Variants in FAXDC2 observed in about 807,000 individuals in gnomAD.
The protein encoded by FAXDC2 is fatty acid hydroxylase domain containing 2, also known as fatty acid hydroxylase domain-containing protein 2.
FAXDC2 carries 41 observed loss-of-function variants against 40.9 expected under a neutral mutation model. The ratio of observed to expected loss-of-function variants is 1.00; its 90% CI spans 0.78 to 1.30. FAXDC2 has a LOEUF of 1.30. Among genes scored for constraint, FAXDC2 ranks in the 50% most tolerant of loss-of-function variants. The pLI, the probability that FAXDC2 is intolerant of heterozygous loss-of-function variation, is 0.00. For missense variants in FAXDC2, 390 were observed against 408.8 expected (o/e 0.95, Z 0.40); for synonymous variants, 157 against 149.3 (o/e 1.05, Z -0.38).
chr5:154,828,951 G>C (rs1304207993), intron 5 of FAXDC2, among the ~76,000 whole-genome samples: 1 of 137,898 alleles, frequency 7.3e-6, no homozygotes, highest in Non-Finnish European at 1.5e-5. Flanking sequence ...GCAGAGTCTT[G>C]CTCTGTCGCC....
At position 154,824,599 on chromosome 5, in the gene FAXDC2, T is replaced by C. The variant is rs991909642; in HGVS notation, c.367-1007A>G. On this transcript the variant is annotated intron_variant, in intron 5 of 8. Coordinates refer to ENST00000326080, the MANE Select transcript of FAXDC2 (RefSeq NM_032385.5). ...TGTTAGGTGAGGCCATTACACCTTCTGGAAACCTTGACCAAGAGGCGGGGT... is the reference window on the plus strand; with the variant it reads ...TGTTAGGTGAGGCCATTACACCTTCCGGAAACCTTGACCAAGAGGCGGGGT... 2.8e-5 allele frequency: 20 copies of C among 702,002 alleles called. No homozygotes were observed. In the African/African-American group the frequency reaches 3.1e-4, roughly 11 times the overall value. The allele number at this position is 702,002 out of a possible 1,614,324, so 43.5% of individuals were successfully genotyped here. A position where few individuals can be genotyped will look rare whatever the true frequency, so the allele number is the denominator to read the frequency against.
At position 154,822,573 on chromosome 5, in the gene FAXDC2, G is replaced by T. The variant is rs748640418; in HGVS notation, c.577C>A (p.Leu193Ile). The stretch of plus-strand genomic sequence containing the variant: ...TTCTTGTAGAATGTTGGGTGGTGAA[G>T]GAGCCTGGGGAAATAGTTAATAGTT... ...EVLFYYSHRL[L>I]HHPTFYKKIH... The change falls in exon 7 of 9, where the codon CTT (leucine) becomes ATT (isoleucine). Residue 193 changes from leucine (L) to isoleucine (I), a missense_variant. Leu to Ile is a conservative substitution (Grantham distance 5). Coordinates refer to ENST00000326080, the MANE Select transcript of FAXDC2 (RefSeq NM_032385.5). The T allele has an allele frequency of 1.2e-6, 2 of 1,612,314 alleles. No homozygotes were observed. The highest frequency in any genetic ancestry group is 2.7e-5 in the African/African-American group (2 of 74,870).
intron 2 of FAXDC2, among the ~76,000 whole-genome samples, chr5:154,835,666 C>T (rs577614591): frequency 2.0e-5 from 3 of 152,034 alleles, no homozygotes; most frequent in South Asian, 2.1e-4. Context: ...CTGCCAGCTC[C>T]GCCTCCCGGG....
At chr5:154,842,017 C>T (rs999011353) in intron 1 of FAXDC2, among the ~76,000 whole-genome samples, 1 of 152,046 alleles carries the variant, frequency 6.6e-6, no homozygotes, top group Non-Finnish European at 1.5e-5. Context: ...GGATTACAGG[C>T]ATGAGCCACC....
intron 1 of FAXDC2, among the ~76,000 whole-genome samples, chr5:154,840,102 G>A (rs1040106523): frequency 1.3e-5 from 2 of 152,162 alleles, no homozygotes; most frequent in Admixed American, 6.5e-5. Flanking sequence ...TTAGGACCCA[G>A]GTTCCAGACT....
chr5:154,824,262 A>G (rs1321776512), intron 5 of FAXDC2: 7 of 561,312 alleles, frequency 1.2e-5, no homozygotes, highest in African/African-American at 1.9e-5. Flanking sequence ...TATTTCCCCC[A>G]GAATCAGCAA....
Position 154,834,919 on chromosome 5 carries a change from C to G in FAXDC2, c.64G>C (p.Gly22Arg), listed in dbSNP as rs756967237. The G allele has an allele frequency of 2.6e-5, 41 of 1,600,706 alleles. No individual in the cohort carries two copies. The highest frequency in any genetic ancestry group is 3.5e-5 in the Non-Finnish European group (41 of 1,172,804). ...EKSKQEGHIW[G>R]SMRRTAFILG... ...ATGAAAGCTGTCCTCCTCATAGAGC[C>G]CCAGATGTGTCCCTCCTGGAGGAGG... is the stretch of plus-strand genomic sequence containing the variant. Residue 22 changes from glycine (G) to arginine (R), a missense_variant, in exon 3 of 9, where the codon GGC becomes CGC. By Grantham distance (125) the Gly-to-Arg change is moderately radical. Transcript: ENST00000326080.
chr5:154,842,232 C>CT (rs2113165273), intron 1 of FAXDC2, among the ~76,000 whole-genome samples: 1 of 152,210 alleles, frequency 6.6e-6, no homozygotes, highest in African/African-American at 2.4e-5. Flanking sequence ...GAGTCTCACT[C>CT]TGTCACCTAG....
intron 5 of FAXDC2, chr5:154,824,620 G>A (rs1759976376): frequency 1.0e-5 from 7 of 701,436 alleles, no homozygotes; most frequent in Admixed American, 2.0e-5. Context: ...ACCAAGAGGC[G>A]GGGTATCACA....
intron 4 of FAXDC2, among the ~76,000 whole-genome samples, chr5:154,832,326 G>A (rs992847702): frequency 2.0e-5 from 3 of 151,230 alleles, no homozygotes; most frequent in African/African-American, 7.3e-5. Context: ...CCATTCTCCT[G>A]CCTCAGCCTC....
In FAXDC2 at chr5:154,830,789, A is replaced by T. The variant is rs1043920222; in HGVS notation, c.366+12T>A. ...TTTCTGTGCTTTGACCAGAAGTTGC[A>T]ACAACACTTACAGGTTCATTCTTGC... On this transcript the variant is annotated intron_variant, in intron 5 of 8. Coordinates refer to ENST00000326080, the MANE Select transcript of FAXDC2 (RefSeq NM_032385.5). 1.9e-6 allele frequency: 3 copies of T among 1,613,808 alleles called. No individual in the cohort carries two copies. The highest frequency in any genetic ancestry group is 2.5e-6 in the Non-Finnish European group (3 of 1,179,804).
At chr5:154,833,193 C>T (rs916461546) in intron 4 of FAXDC2, among the ~76,000 whole-genome samples, 8 of 151,872 alleles carry the variant, frequency 5.3e-5, no homozygotes, top group Admixed American at 1.3e-4. Flanking sequence ...CGCACCACCA[C>T]GCCTGGCTCA....
At chr5:154,838,088 G>A in intron 2 of FAXDC2, 43 bp downstream of exon 2, 1 of 1,336,210 alleles carries the variant, frequency 7.5e-7, no homozygotes, top group Non-Finnish European at 1.1e-6. Context: ...AAGAGCCACT[G>A]ACTACATTCT....
intron 1 of FAXDC2, among the ~76,000 whole-genome samples, chr5:154,840,098 C>T (rs1760443425): frequency 6.6e-6 from 1 of 152,180 alleles, no homozygotes; most frequent in African/African-American, 2.4e-5. Context: ...AGGCTTAGGA[C>T]CCAGGTTCCA....
Position 154,846,992 on chromosome 5 carries a change from C to A in FAXDC2, c.-1+3491G>T, listed in dbSNP as rs74621806. ...TATTTTTATTTTTTAGAGATAGCAT[C>A]TTGCTCTGTTGCCGAGACTGAAGTA... On this transcript the variant is annotated intron_variant, in intron 1 of 8. Transcript: ENST00000326080. 2.8e-3 allele frequency among the ~76,000 whole-genome samples: 430 copies of A among 151,800 alleles called. 2 individuals carry two copies. Among genetic ancestry groups the A allele is most frequent in the African/African-American group, 9.7e-3 (402 of 41,382 alleles).
At chr5:154,838,009 A>G (rs1760393705) in intron 2 of FAXDC2, 122 bp downstream of exon 2, 2 of 687,152 alleles carry the variant, frequency 2.9e-6, no homozygotes, top group Non-Finnish European at 5.2e-6. Context: ...AAATGAAGAC[A>G]TTACCATGTG....
rs1465304444 is a variant in FAXDC2, at chr5:154,820,098, T to A, written c.*218A>T. On this transcript the variant is annotated 3_prime_UTR_variant, in exon 9 of 9. Transcript: ENST00000326080. Reference sequence around the variant, plus strand: ...TGGGGAGCTGTGTTTTCCTTTTTCTTAAGCTAACTCCTGATCCCATTGAGG... The same window carrying A: ...TGGGGAGCTGTGTTTTCCTTTTTCTAAAGCTAACTCCTGATCCCATTGAGG... 6 of 479,680 alleles carry A rather than the reference T, an allele frequency of 1.3e-5. No individual in the cohort carries two copies. The highest frequency in any genetic ancestry group is 3.9e-5 in the Admixed American group (1 of 25,724). 29.7% of individuals were successfully genotyped at this position (479,680 alleles called of 1,614,324 possible).
chr5:154,840,925 G>A (rs1760462718), intron 1 of FAXDC2, among the ~76,000 whole-genome samples: 1 of 152,162 alleles, frequency 6.6e-6, no homozygotes, highest in Admixed American at 6.5e-5. Flanking sequence ...TTCAGTGTTT[G>A]AGGAGTTAGG....
intron 1 of FAXDC2, among the ~76,000 whole-genome samples, chr5:154,839,847 A>G (rs1760438608): frequency 6.6e-6 from 1 of 152,146 alleles, no homozygotes; most frequent in Non-Finnish European, 1.5e-5. Flanking sequence ...GTCATTCCCA[A>G]CATCTTTCAC....
Sources: allele counts gnomAD v4.1 joint callset (sites outside exome capture counted in the v4.1 genomes callset), GRCh38; gene constraint gnomAD v4.1.1; transcripts MANE v1.5; gene names NCBI Gene and HGNC (gene_info 2026-07-23, HGNC 2026-07-21).